The following PPP2R2B variants were observed in gnomAD, a reference collection of about 807,000 sequenced individuals.
The protein encoded by PPP2R2B is serine/threonine-protein phosphatase 2A 55 kDa regulatory subunit B beta isoform.
PPP2R2B carries 5 observed loss-of-function variants against 46.0 expected under a neutral mutation model. That is an observed-to-expected ratio of 0.11 (90% CI 0.06 to 0.23). The LOEUF (loss-of-function observed/expected upper bound fraction) is 0.23, where lower values mean the gene tolerates loss of function less well. PPP2R2B is among the 10% of genes least tolerant of loss of function. The pLI is 1.00. For synonymous variants in PPP2R2B, 215 were observed against 206.7 expected (o/e 1.04, Z -0.34); for missense variants, 367 against 575.0 (o/e 0.64, Z 3.70).
intron 1 of PPP2R2B, among the ~76,000 whole-genome samples, chr5:146,953,803 AG>A (rs1751741825): frequency 6.6e-6 from 1 of 152,180 alleles, no homozygotes; most frequent in African/African-American, 2.4e-5. Context: ...TCGGCTACTG[AG>A]GATGTATCCA....
chr5:147,053,842 C>T (rs1197791645), intron 1 of PPP2R2B, among the ~76,000 whole-genome samples: 1 of 152,156 alleles, frequency 6.6e-6, no homozygotes. Flanking sequence ...GGGCATAGAG[C>T]AATCAAGTGA....
At chr5:146,652,775 G>C (rs372664818) in intron 5 of PPP2R2B, among the ~76,000 whole-genome samples, 1 of 151,756 alleles carries the variant, frequency 6.6e-6, no homozygotes, top group Non-Finnish European at 1.5e-5. Context: ...CCCCCAAAAA[G>C]TTTTGCCATT....
rs192413403 is a variant in PPP2R2B, at chr5:146,938,966, A to G, written c.79+116699T>C. Among the ~76,000 whole-genome samples the G allele has an allele frequency of 3.0e-4, 45 of 152,046 alleles. 1 individual carries two copies. The highest frequency in any genetic ancestry group is 1.0e-3 in the African/African-American group (43 of 41,500). The stretch of plus-strand genomic sequence containing the variant: ...TGGCTAATTTTTTGTATTTTAGTAG[A>G]GACAGGGTTTCACCATGTTGCCCAG... On this transcript the variant is annotated intron_variant, in intron 1 of 8. Coordinates refer to the PPP2R2B transcript ENST00000336640.
intron 2 of PPP2R2B, among the ~76,000 whole-genome samples, chr5:146,867,213 C>T (rs1356061659): frequency 6.6e-6 from 1 of 152,124 alleles, no homozygotes; most frequent in Non-Finnish European, 1.5e-5. Context: ...TAGAAGTATT[C>T]TGTAGTAAGA....
chr5:146,605,739 C>A (rs1185348640), intron 7 of PPP2R2B, among the ~76,000 whole-genome samples: 1 of 152,216 alleles, frequency 6.6e-6, no homozygotes, highest in Non-Finnish European at 1.5e-5. Context: ...TTTGATCATA[C>A]CTTTCTCCCC....
intron 8 of PPP2R2B, among the ~76,000 whole-genome samples, chr5:146,594,631 A>G (rs958291177): frequency 6.6e-6 from 1 of 152,190 alleles, no homozygotes; most frequent in African/African-American, 2.4e-5. Flanking sequence ...AGCATGAAGC[A>G]CAGAGATATG....
chr5:146,644,828 A>G (rs1353022867), intron 6 of PPP2R2B, among the ~76,000 whole-genome samples: 1 of 152,238 alleles, frequency 6.6e-6, no homozygotes, highest in African/African-American at 2.4e-5. Context: ...CTTCTGAAGG[A>G]AGCACATATT....
intron 2 of PPP2R2B, among the ~76,000 whole-genome samples, chr5:146,812,701 ACACTGCTATCACTAGAGTTACTT>A (rs1157113283): frequency 7.4e-3 from 281 of 37,876 alleles, no homozygotes; most frequent in Middle Eastern, 0.022. Flanking sequence ...ATATATATAT[ACACTGCTATCACTAGAGTTACTT>A]TATATATATA....
chr5:146,660,668 A>G (rs1164530118), intron 5 of PPP2R2B, among the ~76,000 whole-genome samples: 1 of 152,198 alleles, frequency 6.6e-6, no homozygotes, highest in Non-Finnish European at 1.5e-5. Context: ...ACACCCTTCA[A>G]CAGCCTCAAT....
chr5:146,691,711 C>T (rs556960336), intron 4 of PPP2R2B, among the ~76,000 whole-genome samples: 1 of 152,208 alleles, frequency 6.6e-6, no homozygotes, highest in South Asian at 2.1e-4. Context: ...CTGCCCTCTC[C>T]ACTTTCTCCA....
chr5:147,029,029 C>T (rs1004035020), intron 1 of PPP2R2B, among the ~76,000 whole-genome samples: 1 of 152,082 alleles, frequency 6.6e-6, no homozygotes, highest in African/African-American at 2.4e-5. Context: ...TTTGTAGTTC[C>T]TTATAATCTG....
At position 146,812,486 on chromosome 5, in the gene PPP2R2B, ATATATATACTG is replaced by A. The variant is rs200662520; in HGVS notation, c.70+65505_70+65515del. 8.6e-4 allele frequency among the ~76,000 whole-genome samples: 27 copies of A among 31,260 alleles called. No homozygotes were observed. In the East Asian group the frequency reaches 0.013, roughly 15 times the overall value. The allele number at this position is 31,260 out of a possible 152,430, so 20.5% of individuals were successfully genotyped here. On this transcript the variant is annotated intron_variant, in intron 2 of 9. Transcript: ENST00000394411. ...AGTAACTCTAGTGATAGCAGTATAT[ATATATATACTG>A]TATATATATACAGTATATATATATA... is the stretch of plus-strand genomic sequence containing the variant.
rs1373795644 is a variant in PPP2R2B at position 146,584,325 on chromosome 5, G to A, written c.*5622C>T. On this transcript the variant is annotated 3_prime_UTR_variant, in exon 10 of 10. Coordinates refer to ENST00000394411, the MANE Select transcript of PPP2R2B (RefSeq NM_181675.4). ...CATAATAAGGTCAAAGTCAGAAGTT[G>A]GAGACCTGTGAGCCACTTGACTTCA... The A allele has an allele frequency of 2.0e-5, 3 of 152,204 alleles. No individual in the cohort carries two copies. Among genetic ancestry groups the A allele is most frequent in the Non-Finnish European group, 2.9e-5 (2 of 68,038 alleles). The allele number at this position is 152,204 out of a possible 1,614,324, so 9.4% of individuals were successfully genotyped here.
chr5:146,702,054 G>GT (rs1170418714), intron 2 of PPP2R2B, among the ~76,000 whole-genome samples: 1 of 100,528 alleles, frequency 9.9e-6, no homozygotes, highest in African/African-American at 4.7e-5. Context: ...GTGCAAATGA[G>GT]TTAAAAAAAA....
At position 146,657,952 on chromosome 5, in the gene PPP2R2B, A is replaced by G. The variant is rs137954112; in HGVS notation, c.448-7228T>C. Among the ~76,000 whole-genome samples the G allele has an allele frequency of 1.1e-3, 169 of 152,312 alleles. 1 individual carries two copies. Among genetic ancestry groups the G allele is most frequent in the African/African-American group, 3.8e-3 (159 of 41,558 alleles). Reference sequence around the variant, plus strand: ...CTGTATCATCAATTAGGAAGTGCACATAGGAAGGTTATAACCACACACTGG... The same window carrying G: ...CTGTATCATCAATTAGGAAGTGCACGTAGGAAGGTTATAACCACACACTGG... On this transcript the variant is annotated intron_variant, in intron 5 of 9. Coordinates refer to ENST00000394411, the MANE Select transcript of PPP2R2B (RefSeq NM_181675.4).
At chr5:146,803,945 A>G (rs1363457158) in intron 2 of PPP2R2B, among the ~76,000 whole-genome samples, 1 of 152,158 alleles carries the variant, frequency 6.6e-6, no homozygotes, top group African/African-American at 2.4e-5. Context: ...AGGCAGGCAG[A>G]TCACAAGGTC....
At chr5:146,966,944 A>G (rs1050090836) in intron 1 of PPP2R2B, among the ~76,000 whole-genome samples, 3 of 152,272 alleles carry the variant, frequency 2.0e-5, no homozygotes, top group Admixed American at 6.5e-5. Flanking sequence ...TTCAATTTCA[A>G]CAAGCATGGT....
intron 1 of PPP2R2B, among the ~76,000 whole-genome samples, chr5:146,900,228 G>A (rs906441721): frequency 1.3e-5 from 2 of 152,264 alleles, no homozygotes; most frequent in Middle Eastern, 3.4e-3. Flanking sequence ...CAAGGAATAA[G>A]TGTCAAAAAT....
chr5:146,789,229 C>G (rs898411772), intron 2 of PPP2R2B, among the ~76,000 whole-genome samples: 1 of 151,902 alleles, frequency 6.6e-6, no homozygotes, highest in African/African-American at 2.4e-5. Context: ...GGTGGAAAGG[C>G]AAGAGAAAAT....
Sources: gnomAD v4.1 joint callset for allele counts (sites outside exome capture counted in the v4.1 genomes callset) on GRCh38, gnomAD v4.1.1 for gene constraint, MANE v1.5 for transcripts, NCBI Gene and HGNC (gene_info 2026-07-23, HGNC 2026-07-21) for gene names.